Variants in FRK observed in about 807,000 individuals in gnomAD.
FRK encodes the protein fyn related Src family tyrosine kinase.
FRK carries 51 observed loss-of-function variants against 56.4 expected under a neutral mutation model. That is an observed-to-expected ratio of 0.90 (90% CI 0.72 to 1.14). FRK has a LOEUF of 1.14. Ranked by LOEUF, FRK falls within the 50% of genes most tolerant of loss-of-function variation. The probability of loss-of-function intolerance (pLI) is 0.00; values close to 1 mark genes in which losing one functional copy is unlikely to be tolerated. For missense variants in FRK, 570 were observed against 601.4 expected, an observed-to-expected ratio of 0.95 and a Z score of 0.55; for synonymous variants, 245 against 217.9, an observed-to-expected ratio of 1.12 and a Z score of -1.10.
At chr6:116,078,516 G>A in the FRK span, among the ~76,000 whole-genome samples, 1 of 152,064 alleles carries the variant, frequency 6.6e-6, no homozygotes, top group African/African-American at 2.4e-5. Flanking sequence ...TGGGGTCAGG[G>A]GTAGTGTTAG....
intron 2 of FRK, among the ~76,000 whole-genome samples, chr6:115,998,856 T>C (rs897108144): frequency 6.6e-6 from 1 of 152,232 alleles, no homozygotes; most frequent in African/African-American, 2.4e-5. Flanking sequence ...ATGGCCTCAA[T>C]GTAGTCACTT....
chr6:116,055,525 T>C (rs1368090018), intron 1 of FRK, among the ~76,000 whole-genome samples: 1 of 152,226 alleles, frequency 6.6e-6, no homozygotes, highest in Non-Finnish European at 1.5e-5. Flanking sequence ...AAAGACACCA[T>C]CGTAGGTCAG....
intron 1 of FRK, among the ~76,000 whole-genome samples, chr6:116,054,502 TATA>T (rs998749062): frequency 1.8e-4 from 25 of 139,796 alleles, no homozygotes; most frequent in Non-Finnish European, 2.3e-4. Flanking sequence ...ATTATACTAT[TATA>T]ATATTATACT....
At chr6:115,979,337 A>G (rs1582673140) in intron 2 of FRK, among the ~76,000 whole-genome samples, 1 of 152,186 alleles carries the variant, frequency 6.6e-6, no homozygotes, top group East Asian at 1.9e-4. Flanking sequence ...AAAAAGTTTA[A>G]AAAGTAAAAA....
At chr6:116,048,066 A>G (rs1441047109) in intron 1 of FRK, among the ~76,000 whole-genome samples, 1 of 152,196 alleles carries the variant, frequency 6.6e-6, no homozygotes, top group East Asian at 1.9e-4. Context: ...TTAGACTCTC[A>G]TTGTTTGATT....
chr6:115,966,074 GAAATACTTAAAAAAAA>G (rs1406777517), intron 4 of FRK, among the ~76,000 whole-genome samples: 668 of 26,642 alleles, frequency 0.025, 9 homozygotes, highest in African/African-American at 0.06. Context: ...AAAAAAAAAA[GAAATACTTAAAAAAAA>G]AAGAAGTATT....
the FRK span, among the ~76,000 whole-genome samples, chr6:116,089,548 G>GT: frequency 6.6e-6 from 1 of 152,212 alleles, no homozygotes; most frequent in Non-Finnish European, 1.5e-5. Flanking sequence ...AGCAGGCTTG[G>GT]TTTCTTCTGA....
chr6:116,071,193 CT>C, the FRK span, among the ~76,000 whole-genome samples: 1 of 152,154 alleles, frequency 6.6e-6, no homozygotes, highest in Admixed American at 6.6e-5. Context: ...TTTGCTTTTC[CT>C]CAAAGTTAAA....
At chr6:115,957,890 C>T (rs546928947) in intron 4 of FRK, among the ~76,000 whole-genome samples, 2 of 152,266 alleles carry the variant, frequency 1.3e-5, no homozygotes, top group South Asian at 2.1e-4. Context: ...AAGATCATTA[C>T]CAAGATAATA....
At chr6:116,045,889 T>C (rs1024991418) in intron 1 of FRK, among the ~76,000 whole-genome samples, 2 of 152,002 alleles carry the variant, frequency 1.3e-5, no homozygotes, top group African/African-American at 4.8e-5. Flanking sequence ...TTGCAATCTA[T>C]CCATCTGACA....
At chr6:116,041,261 T>C (rs1311650278) in intron 1 of FRK, among the ~76,000 whole-genome samples, 1 of 152,220 alleles carries the variant, frequency 6.6e-6, no homozygotes, top group Non-Finnish European at 1.5e-5. Flanking sequence ...TGTTTTTATC[T>C]GAAATGTCAC....
intron 1 of FRK, among the ~76,000 whole-genome samples, chr6:116,007,425 G>T (rs188860987): frequency 3.3e-5 from 5 of 152,288 alleles, no homozygotes; most frequent in Non-Finnish European, 7.4e-5. Flanking sequence ...TGATGGTTGA[G>T]TCTGAAATTG....
intron 6 of FRK, among the ~76,000 whole-genome samples, chr6:115,943,861 T>A (rs1044858302): frequency 6.6e-6 from 1 of 152,142 alleles, no homozygotes; most frequent in African/African-American, 2.4e-5. Context: ...TGCTGAAGAA[T>A]TCTGGCAGCA....
chr6:116,042,278 C>T (rs539476833), intron 1 of FRK, among the ~76,000 whole-genome samples: 81 of 152,186 alleles, frequency 5.3e-4, no homozygotes, highest in Middle Eastern at 6.8e-3. Flanking sequence ...TTCCCATCTC[C>T]CTAGGACAGA....
At chr6:116,002,473 C>T (rs1245945467) in intron 2 of FRK, among the ~76,000 whole-genome samples, 5 of 152,132 alleles carry the variant, frequency 3.3e-5, no homozygotes, top group African/African-American at 1.2e-4. Flanking sequence ...AAAAACTAGC[C>T]AGGCATAGTG....
At chr6:116,097,647 T>C in the FRK span, among the ~76,000 whole-genome samples, 2 of 152,232 alleles carry the variant, frequency 1.3e-5, no homozygotes, top group East Asian at 3.8e-4. Flanking sequence ...AGATCAATTG[T>C]AATAATGAAA....
the FRK span, among the ~76,000 whole-genome samples, chr6:116,079,751 A>G: frequency 1.3e-5 from 2 of 151,840 alleles, no homozygotes; most frequent in African/African-American, 4.8e-5. Context: ...TAATTTTTTA[A>G]TTTTTTGTAG....
intron 2 of FRK, among the ~76,000 whole-genome samples, chr6:115,990,956 T>G (rs534341731): frequency 6.6e-6 from 1 of 152,020 alleles, no homozygotes; most frequent in Admixed American, 6.6e-5. Flanking sequence ...TTCATCAGTG[T>G]TTTATAGTTG....
chr6:116,069,647 C>T, the FRK span, among the ~76,000 whole-genome samples: 2 of 152,112 alleles, frequency 1.3e-5, no homozygotes, highest in African/African-American at 4.8e-5. Flanking sequence ...TGGATTAATT[C>T]TGCTTAGTTT....
Sources: gnomAD v4.1 joint callset for allele counts (sites outside exome capture counted in the v4.1 genomes callset) on GRCh38, gnomAD v4.1.1 for gene constraint, MANE v1.5 for transcripts, NCBI Gene and HGNC (gene_info 2026-07-23, HGNC 2026-07-21) for gene names.